COMMD10: variants seen among roughly 807,000 people sequenced by gnomAD.
COMMD10 encodes the protein COMM domain-containing protein 10.
COMMD10 carries 33 observed loss-of-function variants against 28.9 expected under a neutral mutation model. That is an observed-to-expected ratio of 1.14 (90% CI 0.87 to 1.53). COMMD10 has a LOEUF of 1.53. COMMD10 is among the 40% of genes most tolerant of loss of function. COMMD10 has a pLI of 0.00. For missense variants in COMMD10, 310 were observed against 233.4 expected (o/e 1.33, Z -2.14); for synonymous variants, 110 against 81.7 (o/e 1.35, Z -1.87).
chr5:116,261,208 G>T (rs1407845695), intron 5 of COMMD10, among the ~76,000 whole-genome samples: 2 of 151,538 alleles, frequency 1.3e-5, no homozygotes, highest in African/African-American at 4.9e-5. Flanking sequence ...AACTAGTTTT[G>T]GTTAAAAAGA....
At position 116,270,299 on chromosome 5, in the gene COMMD10, T is replaced by C. The variant is rs1750718890; in HGVS notation, c.511-21218T>C. On this transcript the variant is annotated intron_variant, in intron 5 of 6. Coordinates refer to ENST00000274458, the MANE Select transcript of COMMD10 (RefSeq NM_016144.4). The stretch of plus-strand genomic sequence containing the variant: ...CTGTTTGTTATATTCATGTATTAGT[T>C]CCTGTTATTTTAACATTTTAAATAT... 2.0e-5 allele frequency among the ~76,000 whole-genome samples: 3 copies of C among 152,002 alleles called. No homozygotes were observed. The South Asian group carries it at 6.2e-4, about 32-fold the overall frequency.
chr5:116,261,793 G>T (rs2112686454), intron 5 of COMMD10, among the ~76,000 whole-genome samples: 1 of 151,844 alleles, frequency 6.6e-6, no homozygotes, highest in South Asian at 2.1e-4. Context: ...TGGGTTCAGT[G>T]CTCCTGTCTC....
chr5:116,256,044 A>C (rs1017265447), intron 5 of COMMD10, among the ~76,000 whole-genome samples: 2 of 151,654 alleles, frequency 1.3e-5, no homozygotes, highest in Non-Finnish European at 2.9e-5. Flanking sequence ...AAAGTAGCGC[A>C]AATATGCATG....
intron 5 of COMMD10, among the ~76,000 whole-genome samples, chr5:116,264,618 A>G (rs1750535614): frequency 2.0e-5 from 3 of 151,892 alleles, no homozygotes; most frequent in African/African-American, 4.9e-5. Context: ...CGTTTACATA[A>G]CAGACACAGC....
At chr5:116,160,640 C>T (rs906153703) in intron 5 of COMMD10, among the ~76,000 whole-genome samples, 1 of 152,050 alleles carries the variant, frequency 6.6e-6, no homozygotes, top group Admixed American at 6.6e-5. Context: ...AAAGTAATGC[C>T]TGTATTGAAA....
At chr5:116,186,378 C>T (rs1748139497) in intron 5 of COMMD10, among the ~76,000 whole-genome samples, 1 of 152,036 alleles carries the variant, frequency 6.6e-6, no homozygotes, top group Non-Finnish European at 1.5e-5. Flanking sequence ...TTGCACAATT[C>T]TACCTCTCCT....
intron 4 of COMMD10, among the ~76,000 whole-genome samples, chr5:116,131,576 A>G (rs911256172): frequency 6.6e-6 from 1 of 151,886 alleles, no homozygotes; most frequent in African/African-American, 2.4e-5. Flanking sequence ...GAAAGTTTGT[A>G]TATGTTATGT....
chr5:116,159,252 G>T (rs1752839873), intron 5 of COMMD10, among the ~76,000 whole-genome samples: 1 of 152,126 alleles, frequency 6.6e-6, no homozygotes, highest in African/African-American at 2.4e-5. Flanking sequence ...CTCTTACCTT[G>T]TTTCCCAGCC....
chr5:116,137,307 A>G (rs1213248095), intron 5 of COMMD10, among the ~76,000 whole-genome samples: 2 of 152,122 alleles, frequency 1.3e-5, no homozygotes, highest in Non-Finnish European at 2.9e-5. Context: ...GTAAAAAGGA[A>G]TGAGGGTATA....
rs1271782025 is a variant in COMMD10, at chr5:116,292,722, C to A, written c.*233C>A. ...CAACAGTAATTATTAAGAACACTTT[C>A]CCTTTAAAGGAAACAAAAGTGAATA... On this transcript the variant is annotated 3_prime_UTR_variant, in exon 7 of 7. Coordinates refer to ENST00000274458, the MANE Select transcript of COMMD10 (RefSeq NM_016144.4). 2.4e-6 allele frequency: 1 copy of A among 418,208 alleles called. No homozygotes were observed. Among genetic ancestry groups the A allele is most frequent in the African/African-American group, 2.0e-5 (1 of 49,060 alleles). 25.9% of individuals were successfully genotyped at this position (418,208 alleles called of 1,614,324 possible).
intron 1 of COMMD10, among the ~76,000 whole-genome samples, chr5:116,086,029 G>T (rs1750079709): frequency 6.6e-6 from 1 of 152,232 alleles, no homozygotes; most frequent in African/African-American, 2.4e-5. Flanking sequence ...TCCACAGTGT[G>T]GGAGCTGCTT....
chr5:116,244,660 C>CAAAAAAAAAAAAAAAAAAAAAAATTA, intron 5 of COMMD10, among the ~76,000 whole-genome samples: 1 of 79,488 alleles, frequency 1.3e-5, no homozygotes, highest in Non-Finnish European at 3.0e-5. Context: ...AAAAAAATTA[C>CAAAAAAAAAAAAAAAAAAAAAAATTA]AAAAAAAAAA....
intron 4 of COMMD10, among the ~76,000 whole-genome samples, chr5:116,126,537 A>G (rs1453152762): frequency 6.6e-6 from 1 of 152,010 alleles, no homozygotes; most frequent in African/African-American, 2.4e-5. Context: ...CTACAAGGCT[A>G]CAGTAACCAA....
intron 5 of COMMD10, among the ~76,000 whole-genome samples, chr5:116,273,358 A>G (rs914111509): frequency 6.6e-6 from 1 of 151,818 alleles, no homozygotes; most frequent in Non-Finnish European, 1.5e-5. Context: ...GTGACCTGTA[A>G]TCAAAAAGTG....
intron 5 of COMMD10, among the ~76,000 whole-genome samples, chr5:116,195,333 A>G (rs1410539603): frequency 6.6e-6 from 1 of 152,196 alleles, no homozygotes; most frequent in Non-Finnish European, 1.5e-5. Flanking sequence ...GACAAGAGAA[A>G]GAAATAAAGA....
At chr5:116,108,295 C>T (rs1195858157) in intron 4 of COMMD10, among the ~76,000 whole-genome samples, 1 of 152,364 alleles carries the variant, frequency 6.6e-6, no homozygotes, top group East Asian at 1.9e-4. Context: ...TCCCCAGGTG[C>T]TCTGTCCCAG....
chr5:116,148,591 G>C lies in COMMD10; in HGVS notation c.510+14413G>C, dbSNP rs568414596. ...TCATTTATGGAATCAGCAAAGGCTG[G>C]TGGAATTTTCTAGCCGAAAGGGATC... On this transcript the variant is annotated intron_variant, in intron 5 of 6. Coordinates refer to ENST00000274458, the MANE Select transcript of COMMD10 (RefSeq NM_016144.4). Among the ~76,000 whole-genome samples the C allele has an allele frequency of 1.2e-4, 18 of 151,880 alleles. 1 individual carries two copies. In the South Asian group the frequency reaches 3.5e-3, roughly 30 times the overall value.
chr5:116,089,773 A>T (rs1750237617), intron 2 of COMMD10, among the ~76,000 whole-genome samples: 1 of 152,220 alleles, frequency 6.6e-6, no homozygotes, highest in Non-Finnish European at 1.5e-5. Context: ...AAATAAAGAA[A>T]CATATGTATG....
chr5:116,116,625 A>C (rs12521815), intron 4 of COMMD10, among the ~76,000 whole-genome samples: 1 of 151,892 alleles, frequency 6.6e-6, no homozygotes. Context: ...TTCACTGACT[A>C]TACGTGGTTG....
Sources: gnomAD v4.1 joint callset for allele counts (sites outside exome capture counted in the v4.1 genomes callset) on GRCh38, gnomAD v4.1.1 for gene constraint, MANE v1.5 for transcripts, NCBI Gene and HGNC (gene_info 2026-07-23, HGNC 2026-07-21) for gene names.